PMEPA1: variants seen among roughly 807,000 people sequenced by gnomAD.
PMEPA1 encodes the protein protein TMEPAI.
PMEPA1 carries 11 observed loss-of-function variants against 23.0 expected under a neutral mutation model. The ratio of observed to expected loss-of-function variants is 0.48; its 90% CI spans 0.30 to 0.79. The LOEUF (loss-of-function observed/expected upper bound fraction) is 0.79, where lower values mean the gene tolerates loss of function less well. PMEPA1 is among the 30% of genes least tolerant of loss of function. The pLI is 0.06. For missense variants in PMEPA1, 377 were observed against 390.9 expected (o/e 0.96, Z 0.30); for synonymous variants, 204 against 166.4 (o/e 1.23, Z -1.74).
chr20:57,675,584 G>C (rs1419471878), intron 1 of PMEPA1, among the ~76,000 whole-genome samples: 1 of 152,220 alleles, frequency 6.6e-6, no homozygotes, highest in African/African-American at 2.4e-5. Flanking sequence ...TTCCGGTTTG[G>C]GGGAGGAGGG....
chr20:57,686,562 A>T (rs949413968), intron 1 of PMEPA1, among the ~76,000 whole-genome samples: 1 of 152,240 alleles, frequency 6.6e-6, no homozygotes, highest in Non-Finnish European at 1.5e-5. Context: ...ATGGGGTCTC[A>T]ACCACCTGTC....
intron 1 of PMEPA1, among the ~76,000 whole-genome samples, chr20:57,671,265 G>C (rs2071564069): frequency 6.6e-6 from 1 of 152,190 alleles, no homozygotes; most frequent in Admixed American, 6.5e-5. Context: ...GCAGTCAGTG[G>C]ACATGTCGGA....
chr20:57,710,811 C>A (rs2072171704), upstream of PMEPA1: 1 of 286,524 alleles, frequency 3.5e-6, no homozygotes, highest in Non-Finnish European at 6.4e-6. Flanking sequence ...AGAACACATT[C>A]TTCAGGTTTA....
chr20:57,709,880 T>C lies in PMEPA1; in HGVS notation c.-298A>G. 1.0e-6 allele frequency: 1 copy of C among 1,001,446 alleles called. No homozygotes were observed. Among genetic ancestry groups the C allele is most frequent in the East Asian group, 1.1e-4 (1 of 9,256 alleles). The allele number at this position is 1,001,446 out of a possible 1,614,324, so 62.0% of individuals were successfully genotyped here. A position where few individuals can be genotyped will look rare whatever the true frequency, so the allele number is the denominator to read the frequency against. ...GCGGGGCGCGCGCTGCCGCCGGGGC[T>C]GAGCCTCTGCCGCTAGCTTTCCCCA... On this transcript the variant is annotated 5_prime_UTR_variant, in exon 1 of 4. Coordinates refer to ENST00000341744, the MANE Select transcript of PMEPA1 (RefSeq NM_020182.5).
rs1478577408 is a variant in PMEPA1 at position 57,683,568 on chromosome 20, T to TG, written c.110-23872dup. ...TGGCCTGTGTGCGTGTGTGTGTGTG[T>TG]GTGTGTGTGTGTGTGTTTCTTTTAA... is the stretch of plus-strand genomic sequence containing the variant. On this transcript the variant is annotated intron_variant, in intron 1 of 3. Coordinates refer to ENST00000341744, the MANE Select transcript of PMEPA1 (RefSeq NM_020182.5). The surrounding 1 kb of genome is among the most constrained non-coding windows in gnomAD (Gnocchi z 4.3). Among the ~76,000 whole-genome samples, 2 of 143,530 alleles carry TG rather than the reference T, an allele frequency of 1.4e-5. No homozygotes were observed. Among genetic ancestry groups the TG allele is most frequent in the Admixed American group, 1.3e-4 (2 of 14,952 alleles). 94.2% of individuals were successfully genotyped at this position (143,530 alleles called of 152,430 possible).
intron 1 of PMEPA1, among the ~76,000 whole-genome samples, chr20:57,672,358 G>A (rs2071580136): frequency 3.3e-5 from 5 of 152,264 alleles, no homozygotes; most frequent in Admixed American, 2.0e-4. Flanking sequence ...TTCCTGACAT[G>A]AGCCAGGATG....
chr20:57,706,784 G>A (rs752376964), intron 1 of PMEPA1, among the ~76,000 whole-genome samples: 10 of 152,114 alleles, frequency 6.6e-5, no homozygotes, highest in African/African-American at 1.7e-4. Context: ...AACTTTCCAC[G>A]GTGGACTTTC....
At chr20:57,700,636 G>A (rs2071998796) in intron 1 of PMEPA1, among the ~76,000 whole-genome samples, 1 of 152,156 alleles carries the variant, frequency 6.6e-6, no homozygotes, top group South Asian at 2.1e-4. Flanking sequence ...AGAGCCACTG[G>A]GGATTTTCAA....
chr20:57,693,342 C>T (rs929747717), intron 1 of PMEPA1, among the ~76,000 whole-genome samples: 4 of 152,246 alleles, frequency 2.6e-5, no homozygotes, highest in East Asian at 1.9e-4. Flanking sequence ...GCTGCCTCCT[C>T]GACCTTTCCC....
intron 1 of PMEPA1, among the ~76,000 whole-genome samples, chr20:57,699,634 C>G (rs959557097): frequency 3.3e-5 from 5 of 152,210 alleles, no homozygotes; most frequent in African/African-American, 1.2e-4. Flanking sequence ...AGAGGGGTAA[C>G]TAGGCAACTG....
rs528446471 is a variant in PMEPA1, at chr20:57,661,046, G to C, written c.110-1349C>G. ...ACGCTCAACAGGACGGGGGTGTCAG[G>C]ACCCTCCTCTTGGTGAAAAGGCCTC... is the stretch of plus-strand genomic sequence containing the variant. On this transcript the variant is annotated intron_variant, in intron 1 of 3. Coordinates refer to ENST00000341744, the MANE Select transcript of PMEPA1 (RefSeq NM_020182.5). Among the ~76,000 whole-genome samples the C allele has an allele frequency of 4.3e-4, 65 of 152,318 alleles. No individual in the cohort carries two copies. The Middle Eastern group carries it at 0.02, about 48-fold the overall frequency.
rs113706886 is a variant in PMEPA1 at position 57,693,063 on chromosome 20, G to A, written c.109+16411C>T. Among the ~76,000 whole-genome samples, 488 of 152,308 alleles carry A rather than the reference G, an allele frequency of 3.2e-3. 3 individuals carry two copies. Among genetic ancestry groups the A allele is most frequent in the African/African-American group, 0.011 (453 of 41,558 alleles). Reference sequence around the variant, plus strand: ...GAAGTGGCAAAACCACGATGTTCACGCTTATGTTGTGAGCAGGCCGGGAGT... The same window carrying A: ...GAAGTGGCAAAACCACGATGTTCACACTTATGTTGTGAGCAGGCCGGGAGT... On this transcript the variant is annotated intron_variant, in intron 1 of 3. Coordinates refer to ENST00000341744, the MANE Select transcript of PMEPA1 (RefSeq NM_020182.5).
chr20:57,665,573 G>A (rs953507969), intron 1 of PMEPA1, among the ~76,000 whole-genome samples: 16 of 151,386 alleles, frequency 1.1e-4, no homozygotes, highest in Non-Finnish European at 1.8e-4. Context: ...AGCTCAGAAC[G>A]GGACAGAACG....
At chr20:57,689,311 G>A (rs1208761286) in intron 1 of PMEPA1, among the ~76,000 whole-genome samples, 1 of 152,110 alleles carries the variant, frequency 6.6e-6, no homozygotes, top group Non-Finnish European at 1.5e-5. Context: ...CTGACCCTTC[G>A]GAACAAAGGG....
At chr20:57,665,539 C>G (rs2071480612) in intron 1 of PMEPA1, among the ~76,000 whole-genome samples, 1 of 150,814 alleles carries the variant, frequency 6.6e-6, no homozygotes, top group Admixed American at 6.6e-5. Context: ...CCAACCGGGG[C>G]AGGGGTGAAA....
chr20:57,695,445 C>T (rs1375320064), intron 1 of PMEPA1, among the ~76,000 whole-genome samples: 6 of 152,264 alleles, frequency 3.9e-5, no homozygotes, highest in East Asian at 1.9e-4. Context: ...GGCATTTCAC[C>T]GCTAGAGAAT....
chr20:57,665,707 G>T (rs2071483019), intron 1 of PMEPA1, among the ~76,000 whole-genome samples: 1 of 152,200 alleles, frequency 6.6e-6, no homozygotes, highest in South Asian at 2.1e-4. Context: ...GTACAAGCCT[G>T]CTTAGCCAGG....
At chr20:57,690,354 T>A in intron 1 of PMEPA1, 28 of 974,788 alleles carry the variant, frequency 2.9e-5, no homozygotes, top group Non-Finnish European at 3.5e-5. Flanking sequence ...GCGCTACACA[T>A]GCAAATGCTC....
intron 1 of PMEPA1, among the ~76,000 whole-genome samples, chr20:57,691,391 A>C (rs2071880143): frequency 6.6e-6 from 1 of 152,096 alleles, no homozygotes; most frequent in African/African-American, 2.4e-5. Context: ...GCAGGCTCTG[A>C]AAGAGGAGGA....
Sources: gnomAD v4.1 joint callset for allele counts (sites outside exome capture counted in the v4.1 genomes callset) on GRCh38, gnomAD v4.1.1 for gene constraint, Gnocchi (gnomAD v3.1) non-coding constraint, MANE v1.5 for transcripts, NCBI Gene and HGNC (gene_info 2026-07-23, HGNC 2026-07-21) for gene names.